The following ADGB variants were observed in gnomAD, a reference collection of about 807,000 sequenced individuals.
ADGB encodes calpain-7-like protein.
ADGB carries 172 observed loss-of-function variants against 210.5 expected under a neutral mutation model. The observed-to-expected ratio is 0.82, with a 90% CI of 0.72 to 0.93. ADGB has a LOEUF of 0.93. Among genes scored for constraint, ADGB ranks in the 40% least tolerant of loss-of-function variants. The pLI, the probability that ADGB is intolerant of heterozygous loss-of-function variation, is 0.00. For missense variants in ADGB, 2,025 were observed against 1,964.8 expected (o/e 1.03, Z -0.58); for synonymous variants, 658 against 662.7 (o/e 0.99, Z 0.11).
rs192815371 is a variant in ADGB at position 146,687,532 on chromosome 6, A to T, written c.1311+1704A>T. Reference sequence around the variant, plus strand: ...AGCCGCAAGCCATTATCCTCAGCAAACTAACACAAGAACAGAAAATCAAAC... The same window carrying T: ...AGCCGCAAGCCATTATCCTCAGCAATCTAACACAAGAACAGAAAATCAAAC... On this transcript the variant is annotated intron_variant, in intron 10 of 35. Coordinates refer to ENST00000397944, the MANE Select transcript of ADGB (RefSeq NM_024694.4). Among the ~76,000 whole-genome samples, 235 of 152,180 alleles carry T rather than the reference A, an allele frequency of 1.5e-3. 1 individual carries two copies. Among genetic ancestry groups the T allele is most frequent in the Admixed American group, 3.6e-3 (55 of 15,240 alleles).
At chr6:146,772,181 T>C (rs751869104) in intron 29 of ADGB, among the ~76,000 whole-genome samples, 1 of 152,084 alleles carries the variant, frequency 6.6e-6, no homozygotes, top group African/African-American at 2.4e-5. Flanking sequence ...TTGAAGATCT[T>C]GCTCACAAGG....
In ADGB at chr6:146,782,114, A is replaced by G. The variant is rs376613145; in HGVS notation, c.3957A>G (p.Thr1319=). ...AAAAATCTTCAGTAACTTCCAAAAC[A>G]ACAAGGAAAGGCAAAGAAAAGTCTT... The part of the protein sequence containing the change: ...EGQKSSVTSK[T]TRKGKEKSSE... The change falls in exon 30 of 36, where the codon ACA becomes ACG. Residue 1319 remains threonine, a synonymous_variant. Transcript: ENST00000397944. 1.3e-5 allele frequency: 20 copies of G among 1,548,782 alleles called. No homozygotes were observed. Among genetic ancestry groups the G allele is most frequent in the Admixed American group, 2.0e-5 (1 of 50,528 alleles).
At chr6:146,606,794 G>T (rs1431776988) in intron 1 of ADGB, among the ~76,000 whole-genome samples, 1 of 152,092 alleles carries the variant, frequency 6.6e-6, no homozygotes, top group Non-Finnish European at 1.5e-5. Flanking sequence ...TGCTGCTTCG[G>T]TCACTGTAGC....
At chr6:146,614,662 G>A (rs1027546403) in intron 1 of ADGB, among the ~76,000 whole-genome samples, 1 of 152,216 alleles carries the variant, frequency 6.6e-6, no homozygotes, top group South Asian at 2.1e-4. Context: ...AAGGTAATTA[G>A]GATATCCATC....
In ADGB at chr6:146,724,436, C is replaced by G. The variant is rs117514382; in HGVS notation, c.2237+109C>G. ...GACTCTAAGACATTGTTTCTCAAAG[C>G]AATTTCTCAAGGCATAGGTCCATGA... On this transcript the variant is annotated intron_variant, in intron 18 of 35. Coordinates refer to ENST00000397944, the MANE Select transcript of ADGB (RefSeq NM_024694.4). 4.1e-5 allele frequency: 48 copies of G among 1,162,448 alleles called. No individual in the cohort carries two copies. The East Asian group carries it at 1.2e-3, about 29-fold the overall frequency. 72.0% of individuals were successfully genotyped at this position (1,162,448 alleles called of 1,614,324 possible). A position where few individuals can be genotyped will look rare whatever the true frequency, so the allele number is the denominator to read the frequency against.
At chr6:146,652,762 A>C (rs1416406987) in intron 3 of ADGB, among the ~76,000 whole-genome samples, 1 of 152,206 alleles carries the variant, frequency 6.6e-6, no homozygotes, top group Non-Finnish European at 1.5e-5. Flanking sequence ...CTAACAAAAT[A>C]GACAATAATC....
chr6:146,780,022 G>T (rs1262824986), intron 29 of ADGB, among the ~76,000 whole-genome samples: 1 of 151,822 alleles, frequency 6.6e-6, no homozygotes, highest in Non-Finnish European at 1.5e-5. Context: ...TTAAAGCAAT[G>T]ATCATAAGTC....
chr6:146,642,078 T>G (rs536108922), intron 2 of ADGB, among the ~76,000 whole-genome samples: 1 of 152,060 alleles, frequency 6.6e-6, no homozygotes, highest in African/African-American at 2.4e-5. Flanking sequence ...AACAACCACA[T>G]TTAAAAGTGG....
At chr6:146,747,841 G>A (rs1462069508) in intron 26 of ADGB, among the ~76,000 whole-genome samples, 6 of 149,396 alleles carry the variant, frequency 4.0e-5, no homozygotes, top group East Asian at 2.0e-4. Context: ...GTAGTACAGC[G>A]GCACGATCTT....
chr6:146,742,854 T>G (rs897285332), intron 25 of ADGB, among the ~76,000 whole-genome samples: 2 of 152,194 alleles, frequency 1.3e-5, no homozygotes, highest in African/African-American at 2.4e-5. Context: ...ATTCGTAAAC[T>G]TTCTTAAAAC....
intron 35 of ADGB, chr6:146,803,697 T>C: frequency 8.6e-7 from 1 of 1,164,766 alleles, no homozygotes; most frequent in South Asian, 1.3e-5. Context: ...ACATTGTGAG[T>C]TTCCGATGCC....
chr6:146,670,252 G>T (rs1425357604), intron 7 of ADGB, among the ~76,000 whole-genome samples: 1 of 151,982 alleles, frequency 6.6e-6, no homozygotes, highest in Non-Finnish European at 1.5e-5. Flanking sequence ...ACCTTTCAGT[G>T]TTTAACTATT....
At chr6:146,627,095 T>C (rs556717091) in intron 1 of ADGB, among the ~76,000 whole-genome samples, 5 of 152,242 alleles carry the variant, frequency 3.3e-5, no homozygotes, top group African/African-American at 1.2e-4. Context: ...CTTCCTTGTC[T>C]CTACTTAACA....
At chr6:146,691,429 T>TTTATATATATAA (rs1776309387) in intron 11 of ADGB, 139 bp downstream of exon 11, 2 of 29,408 alleles carry the variant, frequency 6.8e-5, no homozygotes, top group East Asian at 9.0e-4. Flanking sequence ...TATATATATA[T>TTTATATATATAA]ATATATATAT....
intron 27 of ADGB, among the ~76,000 whole-genome samples, chr6:146,753,719 T>C (rs1281431323): frequency 3.3e-5 from 5 of 151,940 alleles, no homozygotes; most frequent in African/African-American, 1.2e-4. Context: ...TTAGTTTTAA[T>C]TTTGAATCAC....
chr6:146,655,434 GC>G (rs1775766283), intron 4 of ADGB, among the ~76,000 whole-genome samples: 1 of 151,986 alleles, frequency 6.6e-6, no homozygotes, highest in Non-Finnish European at 1.5e-5. Flanking sequence ...CCACCTCCCT[GC>G]CCCATGTTGG....
rs190260499 is a variant in ADGB at position 146,736,852 on chromosome 6, G to A, written c.2888+261G>A. Among the ~76,000 whole-genome samples the A allele has an allele frequency of 1.1e-4, 17 of 152,214 alleles. No homozygotes were observed. The South Asian group carries it at 2.9e-3, about 26-fold the overall frequency. ...AAGTTTCCTTAAATCTTACGGTACT[G>A]AGAAGACAAAAATTAAAGTTTAGGA... On this transcript the variant is annotated intron_variant, in intron 23 of 35. Transcript: ENST00000397944.
chr6:146,778,239 G>T (rs1402509085), intron 29 of ADGB, among the ~76,000 whole-genome samples: 1 of 152,132 alleles, frequency 6.6e-6, no homozygotes, highest in African/African-American at 2.4e-5. Flanking sequence ...GGTGGTTGAA[G>T]CCTGGTTACC....
intron 22 of ADGB, among the ~76,000 whole-genome samples, chr6:146,736,186 CA>C (rs998625367): frequency 1.3e-5 from 2 of 152,052 alleles, no homozygotes; most frequent in Admixed American, 6.6e-5. Flanking sequence ...AGATCTGTCA[CA>C]AAAAAAGTTT....
Sources: gnomAD v4.1 joint callset for allele counts (sites outside exome capture counted in the v4.1 genomes callset) on GRCh38, gnomAD v4.1.1 for gene constraint, MANE v1.5 for transcripts, NCBI Gene and HGNC (gene_info 2026-07-23, HGNC 2026-07-21) for gene names.